Variants in SLC9A9 observed in about 807,000 individuals in gnomAD.
SLC9A9 encodes sodium/hydrogen exchanger 9.
A neutral mutation model predicts 77.8 loss-of-function variants in SLC9A9; 62 were observed. The observed-to-expected ratio is 0.80, with a 90% CI of 0.65 to 0.98. The LOEUF (loss-of-function observed/expected upper bound fraction) is 0.98. Ranked by LOEUF, SLC9A9 falls within the 50% of genes least tolerant of loss-of-function variation. SLC9A9 has a pLI of 0.00. For synonymous variants in SLC9A9, 320 were observed against 283.5 expected (o/e 1.13, Z -1.29); for missense variants, 775 against 774.9 (o/e 1.00, Z 0.00).
At chr3:143,498,657 CAT>C (rs1395004756) in intron 9 of SLC9A9, among the ~76,000 whole-genome samples, 2 of 151,940 alleles carry the variant, frequency 1.3e-5, no homozygotes, top group Non-Finnish European at 2.9e-5. Context: ...GTGCATATAT[CAT>C]ATGTTTATAA....
chr3:143,799,663 A>T (rs530868279), intron 2 of SLC9A9, among the ~76,000 whole-genome samples: 1 of 152,288 alleles, frequency 6.6e-6, no homozygotes, highest in African/African-American at 2.4e-5. Context: ...CGGACTGTTC[A>T]ACTCACCTGG....
chr3:143,600,213 T>C (rs2037822592), intron 6 of SLC9A9, among the ~76,000 whole-genome samples: 1 of 152,136 alleles, frequency 6.6e-6, no homozygotes, highest in South Asian at 2.1e-4. Context: ...CGGTGTGTGA[T>C]GTTCCCCTCC....
chr3:143,700,410 C>G (rs6774050), intron 4 of SLC9A9, among the ~76,000 whole-genome samples: 125,346 of 152,140 alleles, frequency 0.82, 52,118 homozygotes, highest in East Asian at 0.93. Flanking sequence ...CATCGGTAGA[C>G]CTGCCCTGGG....
intron 5 of SLC9A9, among the ~76,000 whole-genome samples, chr3:143,684,838 G>C (rs1461144497): frequency 6.6e-6 from 1 of 152,026 alleles, no homozygotes; most frequent in Non-Finnish European, 1.5e-5. Context: ...AGAAAAATGA[G>C]ACTGGGAGGA....
intron 8 of SLC9A9, among the ~76,000 whole-genome samples, chr3:143,558,126 T>A (rs1207861829): frequency 2.0e-5 from 3 of 152,134 alleles, no homozygotes; most frequent in Admixed American, 6.6e-5. Flanking sequence ...TTTTACATGG[T>A]GTGGAGCCTG....
intron 12 of SLC9A9, among the ~76,000 whole-genome samples, chr3:143,423,540 G>A (rs1190153067): frequency 6.6e-6 from 1 of 152,024 alleles, no homozygotes; most frequent in Admixed American, 6.6e-5. Flanking sequence ...GATTAAAGGG[G>A]CTCCTAGTGG....
chr3:143,499,289 A>G (rs1218106290), intron 9 of SLC9A9, among the ~76,000 whole-genome samples: 1 of 152,228 alleles, frequency 6.6e-6, no homozygotes, highest in African/African-American at 2.4e-5. Flanking sequence ...GTTTGGATCC[A>G]TGAATATCAT....
intron 15 of SLC9A9, among the ~76,000 whole-genome samples, chr3:143,267,661 C>A (rs1937771356): frequency 6.6e-6 from 1 of 152,102 alleles, no homozygotes; most frequent in African/African-American, 2.4e-5. Context: ...CCTCCTGTTA[C>A]ATTTTACCTT....
At chr3:143,564,659 A>G (rs961431613) in intron 8 of SLC9A9, among the ~76,000 whole-genome samples, 1 of 152,172 alleles carries the variant, frequency 6.6e-6, no homozygotes. Flanking sequence ...CAAAGAGTAC[A>G]ATTACCATCT....
chr3:143,280,325 G>A (rs368217833), intron 14 of SLC9A9, among the ~76,000 whole-genome samples: 3 of 152,124 alleles, frequency 2.0e-5, no homozygotes, highest in Admixed American at 6.6e-5. Context: ...TTTGTTATAC[G>A]AATCCAGGTA....
At chr3:143,833,435 T>C (rs1161060293) in intron 1 of SLC9A9, among the ~76,000 whole-genome samples, 2 of 152,232 alleles carry the variant, frequency 1.3e-5, no homozygotes, top group Non-Finnish European at 2.9e-5. Context: ...CACTCTGTGA[T>C]ACATGAGTAT....
At chr3:143,274,783 C>T (rs1266521294) in intron 14 of SLC9A9, among the ~76,000 whole-genome samples, 51 of 152,330 alleles carry the variant, frequency 3.3e-4, no homozygotes, top group Non-Finnish European at 1.0e-4. Context: ...CAGAATAATA[C>T]TGATAATGCT....
chr3:143,821,200 A>T (rs1451530239), intron 2 of SLC9A9, among the ~76,000 whole-genome samples: 1 of 152,218 alleles, frequency 6.6e-6, no homozygotes, highest in Non-Finnish European at 1.5e-5. Context: ...AGCAACACCA[A>T]TCTTTCTCCA....
rs771918925 is a variant in SLC9A9, at chr3:143,520,367, T to C, written c.1090-24919A>G. On this transcript the variant is annotated intron_variant, in intron 9 of 15. Coordinates refer to ENST00000316549, the MANE Select transcript of SLC9A9 (RefSeq NM_173653.4). The stretch of plus-strand genomic sequence containing the variant: ...CTGTCCTCTGTCCATCATGTGCGGA[T>C]ACAGCAACAAGGTAGCCACCTGCAA... Among the ~76,000 whole-genome samples the C allele has an allele frequency of 9.9e-5, 15 of 152,176 alleles. No homozygotes were observed. In the Middle Eastern group the frequency reaches 0.02, roughly 207 times the overall value.
At chr3:143,450,107 ATAT>A (rs1190735957) in intron 12 of SLC9A9, among the ~76,000 whole-genome samples, 4 of 121,776 alleles carry the variant, frequency 3.3e-5, no homozygotes, top group Non-Finnish European at 6.4e-5. Context: ...TATAATATAC[ATAT>A]TATATTATAT....
At chr3:143,432,551 T>C (rs997641020) in intron 12 of SLC9A9, among the ~76,000 whole-genome samples, 1 of 152,092 alleles carries the variant, frequency 6.6e-6, no homozygotes, top group Non-Finnish European at 1.5e-5. Context: ...GAAAAGGTTG[T>C]TAAAACAAGC....
intron 2 of SLC9A9, among the ~76,000 whole-genome samples, chr3:143,816,072 G>A (rs775486669): frequency 2.0e-5 from 3 of 152,178 alleles, no homozygotes; most frequent in African/African-American, 4.8e-5. Context: ...TGCTAGAGTT[G>A]AAGTTTCTCC....
chr3:143,607,275 A>G (rs1156345114), intron 6 of SLC9A9, among the ~76,000 whole-genome samples: 1 of 152,128 alleles, frequency 6.6e-6, no homozygotes, highest in African/African-American at 2.4e-5. Flanking sequence ...TACTAATCAT[A>G]TGCTTTTAGT....
intron 14 of SLC9A9, among the ~76,000 whole-genome samples, chr3:143,318,404 G>A (rs1456045232): frequency 3.3e-5 from 5 of 152,144 alleles, no homozygotes; most frequent in Non-Finnish European, 7.4e-5. Context: ...AATTAACCCT[G>A]TGAAATAAAT....
Sources: gnomAD v4.1 joint callset for allele counts (sites outside exome capture counted in the v4.1 genomes callset) on GRCh38, gnomAD v4.1.1 for gene constraint, MANE v1.5 for transcripts, NCBI Gene and HGNC (gene_info 2026-07-23, HGNC 2026-07-21) for gene names.